RANBP17: variants seen among roughly 807,000 people sequenced by gnomAD.
RANBP17 encodes the protein RAN binding protein 17, also known as ran-binding protein 17.
Under a neutral mutation model 141.2 loss-of-function variants are expected in RANBP17, and 158 were observed. The ratio of observed to expected loss-of-function variants is 1.12; its 90% CI spans 0.98 to 1.28. RANBP17 has a LOEUF of 1.28. Among genes scored for constraint, RANBP17 ranks in the 50% most tolerant of loss-of-function variants. The pLI, the probability that RANBP17 is intolerant of heterozygous loss-of-function variation, is 0.00. For synonymous variants in RANBP17, 430 were observed against 450.0 expected, an observed-to-expected ratio of 0.96 and a Z score of 0.56; for missense variants, 1,438 against 1,290.7, an observed-to-expected ratio of 1.11 and a Z score of -1.75.
chr5:170,950,984 T>C (rs547268510), intron 12 of RANBP17, among the ~76,000 whole-genome samples: 81 of 152,052 alleles, frequency 5.3e-4, no homozygotes, highest in Non-Finnish European at 1.1e-3. Flanking sequence ...ACAAATACCA[T>C]GTGTTCTTAT....
chr5:170,915,751 G>A (rs945746733), intron 8 of RANBP17, among the ~76,000 whole-genome samples: 5 of 150,720 alleles, frequency 3.3e-5, no homozygotes, highest in African/African-American at 1.2e-4. Flanking sequence ...GGTTCCCCCT[G>A]CCCCCCCCAA....
At chr5:171,131,213 G>A (rs1756893007) in intron 14 of RANBP17, among the ~76,000 whole-genome samples, 1 of 152,152 alleles carries the variant, frequency 6.6e-6, no homozygotes, top group Admixed American at 6.5e-5. Context: ...CAAAATATTA[G>A]TTCTTTTTCC....
At chr5:170,987,232 C>T (rs1320358038) in intron 14 of RANBP17, among the ~76,000 whole-genome samples, 1 of 151,650 alleles carries the variant, frequency 6.6e-6, no homozygotes, top group African/African-American at 2.4e-5. Flanking sequence ...TATGTTGAAG[C>T]TTGATTGTTA....
At chr5:171,058,851 A>G (rs1783598465) in intron 14 of RANBP17, among the ~76,000 whole-genome samples, 3 of 149,850 alleles carry the variant, frequency 2.0e-5, no homozygotes, top group Admixed American at 6.6e-5. Context: ...AATGATTGCC[A>G]TTCTAACTGG....
chr5:170,894,238 C>T (rs1769906696), intron 4 of RANBP17, among the ~76,000 whole-genome samples: 1 of 152,010 alleles, frequency 6.6e-6, no homozygotes, highest in African/African-American at 2.4e-5. Flanking sequence ...TAAGATTGTT[C>T]ATCAAGATTT....
intron 20 of RANBP17, among the ~76,000 whole-genome samples, chr5:171,210,559 C>T (rs539045092): frequency 6.6e-6 from 1 of 152,142 alleles, no homozygotes; most frequent in Non-Finnish European, 1.5e-5. Context: ...CTTCCAGATG[C>T]ATTCCCACTA....
At chr5:171,285,124 CTCATTT>C (rs1430372765) in intron 25 of RANBP17, among the ~76,000 whole-genome samples, 1 of 152,214 alleles carries the variant, frequency 6.6e-6, no homozygotes, top group African/African-American at 2.4e-5. Context: ...AGTGTCTTTT[CTCATTT>C]TATTTCCTCT....
At chr5:170,962,133 G>C (rs1776197754) in intron 13 of RANBP17, among the ~76,000 whole-genome samples, 1 of 152,134 alleles carries the variant, frequency 6.6e-6, no homozygotes, top group African/African-American at 2.4e-5. Flanking sequence ...CTAGCTTTAG[G>C]GAACTACCCT....
Position 170,914,239 on chromosome 5 carries a change from TAGTA to T in RANBP17, c.834+5_834+8del, listed in dbSNP as rs771060011. The T allele has an allele frequency of 1.9e-6, 3 of 1,582,190 alleles. No individual in the cohort carries two copies. The highest frequency in any genetic ancestry group is 2.6e-6 in the Non-Finnish European group (3 of 1,151,596). ...TCACTTCCACCACTACTATCTCAGT[TAGTA>T]AGTAAAAGTCATTCGTTATTTCGTT... On this transcript the variant is annotated splice_donor_variant and splice_donor_region_variant and coding_sequence_variant and intron_variant, in exon 8 of 28. Coordinates refer to ENST00000523189, the MANE Select transcript of RANBP17 (RefSeq NM_022897.5). LOFTEE classifies it high-confidence loss of function.
At chr5:170,935,683 A>G (rs1030594599) in intron 12 of RANBP17, among the ~76,000 whole-genome samples, 4 of 152,054 alleles carry the variant, frequency 2.6e-5, no homozygotes, top group Non-Finnish European at 5.9e-5. Flanking sequence ...ACCGGGCCTT[A>G]TGAGGTGTCA....
intron 14 of RANBP17, among the ~76,000 whole-genome samples, chr5:171,135,979 TA>T (rs764606012): frequency 6.6e-6 from 1 of 152,174 alleles, no homozygotes; most frequent in Non-Finnish European, 1.5e-5. Context: ...CAAAAAGAAA[TA>T]ATCAGTCAAA....
chr5:170,993,730 T>C (rs1778649311), intron 14 of RANBP17, among the ~76,000 whole-genome samples: 1 of 152,040 alleles, frequency 6.6e-6, no homozygotes, highest in Non-Finnish European at 1.5e-5. Flanking sequence ...GGCTGTCACT[T>C]TTCTGGTTCA....
intron 1 of RANBP17, among the ~76,000 whole-genome samples, chr5:170,865,641 A>G (rs1767190651): frequency 6.6e-6 from 1 of 152,138 alleles, no homozygotes; most frequent in Non-Finnish European, 1.5e-5. Flanking sequence ...ATAGAAGAAT[A>G]ATTGGGAGGA....
At chr5:171,180,395 T>A (rs1008910137) in intron 16 of RANBP17, among the ~76,000 whole-genome samples, 2 of 152,242 alleles carry the variant, frequency 1.3e-5, no homozygotes, top group South Asian at 4.1e-4. Context: ...ATATTAATGT[T>A]ACTCTCAAGA....
At chr5:170,957,869 C>T (rs950267290) in intron 13 of RANBP17, among the ~76,000 whole-genome samples, 2 of 152,128 alleles carry the variant, frequency 1.3e-5, no homozygotes, top group African/African-American at 4.8e-5. Context: ...AACAGAAATA[C>T]ACATGAAACA....
In RANBP17 at chr5:171,205,584, AC is replaced by A. The variant is rs1368789503; in HGVS notation, c.2205del (p.Ser736AlafsTer35). 2.5e-6 allele frequency: 4 copies of A among 1,613,926 alleles called. No individual in the cohort carries two copies. The highest frequency in any genetic ancestry group is 3.4e-6 in the Non-Finnish European group (4 of 1,179,856). On this transcript the variant is annotated frameshift_variant, in exon 20 of 28. Coordinates refer to ENST00000523189, the MANE Select transcript of RANBP17 (RefSeq NM_022897.5). LOFTEE classifies it high-confidence loss of function. ...GATTGCCTTTGCACTGAACACAAAG[AC>A]CAGCTACACCATGCTGTTTGACTGG... ...RGIAFALNTK[T>X]SYTMLFDWMY...
chr5:171,189,149 G>A lies in RANBP17; in HGVS notation c.2038+5719G>A, dbSNP rs1400129393. On this transcript the variant is annotated intron_variant, in intron 18 of 27. Transcript: ENST00000523189. ...AACAGAAAGAGGCTATGGTGGAAGT[G>A]CTTGGTGCATGGTAGGTGCTCAATA... is the stretch of plus-strand genomic sequence containing the variant. Among the ~76,000 whole-genome samples, 5 of 152,284 alleles carry A rather than the reference G, an allele frequency of 3.3e-5. No homozygotes were observed. In the East Asian group the frequency reaches 9.6e-4, roughly 29 times the overall value.
chr5:171,066,112 T>C (rs1388407609), intron 14 of RANBP17, among the ~76,000 whole-genome samples: 1 of 152,164 alleles, frequency 6.6e-6, no homozygotes, highest in Admixed American at 6.5e-5. Context: ...TCTGCCCACC[T>C]CGGCCTCCCA....
intron 7 of RANBP17, among the ~76,000 whole-genome samples, chr5:170,913,814 G>T (rs1032806428): frequency 7.0e-4 from 107 of 152,104 alleles, no homozygotes; most frequent in African/African-American, 2.3e-3. Context: ...ATGGGATAGG[G>T]TACAGTTTTT....
Sources: gnomAD v4.1 joint callset for allele counts (sites outside exome capture counted in the v4.1 genomes callset) on GRCh38, gnomAD v4.1.1 for gene constraint, MANE v1.5 for transcripts, NCBI Gene and HGNC (gene_info 2026-07-23, HGNC 2026-07-21) for gene names.